The following ZNF479 variants were observed in gnomAD, a reference collection of about 807,000 sequenced individuals.
ZNF479 encodes KRAB zinc finger protein KR19.
In ZNF479, 15 loss-of-function variants were observed where a neutral mutation model predicts 14.7. That is an observed-to-expected ratio of 1.02 (90% CI 0.68 to 1.57). ZNF479 has a LOEUF of 1.57. Among genes scored for constraint, ZNF479 ranks in the 40% most tolerant of loss-of-function variants. ZNF479 has a pLI of 0.00. For missense variants in ZNF479, 506 were observed against 615.1 expected (o/e 0.82, Z 1.88); for synonymous variants, 145 against 211.5 (o/e 0.69, Z 2.73).
Position 57,120,900 on chromosome 7 carries a change from G to T in ZNF479, c.515C>A (p.Ser172Tyr), listed in dbSNP as rs781963281. 2 of 1,613,700 alleles carry T rather than the reference G, an allele frequency of 1.2e-6. No homozygotes were observed. The highest frequency in any genetic ancestry group is 3.3e-5 in the Admixed American group (2 of 59,886). Residue 172 changes from serine (S) to tyrosine (Y), a missense_variant, in exon 4 of 4, where the codon TCC (serine) becomes TAC (tyrosine). Transcript: ENST00000319636. Reference protein sequence around the residue: ...YVKVFGKFSNSNRDKTRYTGN... With the variant: ...YVKVFGKFSNYNRDKTRYTGN... The stretch of plus-strand genomic sequence containing the variant: ...AGTATATCTTGTTTTATCTCTATTG[G>T]AATTTGAAAATTTACCAAAGACTTT...
chr7:57,121,643 G>A (rs1554400650), intron 3 of ZNF479, among the ~76,000 whole-genome samples: 1 of 152,150 alleles, frequency 6.6e-6, no homozygotes, highest in Non-Finnish European at 1.5e-5. Flanking sequence ...CACATCCTGA[G>A]AACATGTTTG....
At chr7:57,136,623 T>C (rs952145513), upstream of ZNF479, among the ~76,000 whole-genome samples, 3 of 152,204 alleles carry the variant, frequency 2.0e-5, no homozygotes, top group African/African-American at 7.2e-5. Flanking sequence ...AAGCTCAAAA[T>C]TGGCTGCTGG....
rs1554400241 is a variant in ZNF479 at position 57,120,638 on chromosome 7, A to T, written c.777T>A (p.His259Gln). Residue 259 changes from histidine to glutamine, a missense_variant, in exon 4 of 4, where the codon CAT becomes CAA. By Grantham distance (24) the His-to-Gln change is conservative (BLOSUM62 0). Around this residue, in one of 3 missense-constraint regions of ZNF479, gnomAD observed 420 missense variants for 474.2 expected, o/e 0.89. Coordinates refer to ENST00000319636, the MANE Select transcript of ZNF479 (RefSeq NM_001370129.2). ...AFSWSANLTR[H>Q]KRTHTGEKPY... is the part of the protein sequence containing the mutation. The stretch of plus-strand genomic sequence containing the variant: ...GTTTCTCTCCAGTATGAGTTCTCTT[A>T]TGTCTAGTAAGGTTTGCAGACCAGC... 1 of 1,613,840 alleles carries T rather than the reference A, an allele frequency of 6.2e-7. No individual in the cohort carries two copies. Among genetic ancestry groups the T allele is most frequent in the South Asian group, 1.1e-5 (1 of 91,074 alleles).
chr7:57,132,914 G>GGT (rs1786500105), upstream of ZNF479, among the ~76,000 whole-genome samples: 1 of 151,996 alleles, frequency 6.6e-6, no homozygotes, highest in East Asian at 1.9e-4. Context: ...GAGGCCGGCA[G>GGT]GTCACTAGTT....
chr7:57,120,308 C>T lies in ZNF479; in HGVS notation c.1107G>A (p.Met369Ile), dbSNP rs1480084055. ...GQAFSLSSNL[M>I]RHRRIHTGEK... The stretch of plus-strand genomic sequence containing the variant: ...CTCCAGTATGAATTCTCCTATGTCT[C>T]ATAAGGTTCGAGGATAAGCTAAAGG... The change falls in exon 4 of 4, where the codon ATG becomes ATA. Residue 369 changes from methionine (M) to isoleucine (I), a missense_variant. Physicochemically the swap from Met to Ile is conservative, Grantham distance 10 (BLOSUM62 1). This residue lies in a region of ZNF479 where 420 missense variants were observed against 474.2 expected (regional missense o/e 0.89). Coordinates refer to ENST00000319636, the MANE Select transcript of ZNF479 (RefSeq NM_001370129.2). 4 of 1,607,008 alleles carry T rather than the reference C, an allele frequency of 2.5e-6. No homozygotes were observed. Among genetic ancestry groups the T allele is most frequent in the Admixed American group, 1.7e-5 (1 of 59,476 alleles).
In ZNF479 at chr7:57,119,888, A is replaced by T. The variant is rs78428923; in HGVS notation, c.1527T>A (p.Ala509=). The T allele has an allele frequency of 3.1e-6, 5 of 1,613,870 alleles. No individual in the cohort carries two copies. Among genetic ancestry groups the T allele is most frequent in the South Asian group, 1.1e-5 (1 of 91,078 alleles). ...EQAFKWHSSL[A]KHKIIHTGEK... is the part of the protein sequence containing the mutation. ...CTCCAGTGTGAATTATCTTATGTTT[A>T]GCAAGACTTGAATGCCACTTAAAAG... The change falls in exon 4 of 4, where the codon GCT becomes GCA. Residue 509 remains alanine (A), a synonymous_variant. Transcript: ENST00000319636.
upstream of ZNF479, among the ~76,000 whole-genome samples, chr7:57,133,118 A>G (rs1786508554): frequency 6.6e-6 from 1 of 152,132 alleles, no homozygotes; most frequent in Non-Finnish European, 1.5e-5. Flanking sequence ...TGGGTGACAC[A>G]GAGAGACTTC....
rs1785831018 is a variant in ZNF479, at chr7:57,119,966, A to T, written c.1449T>A (p.His483Gln). ...GTTTCTCTCCAGTATGAATTCTCTTATGTTGCATAAGGGTTGAGGAGCAAT... is the reference window on the plus strand; with the variant it reads ...GTTTCTCTCCAGTATGAATTCTCTTTTGTTGCATAAGGGTTGAGGAGCAAT... ...AFNCSSTLMQ[H>Q]KRIHTGEKPY... The change falls in exon 4 of 4, where the codon CAT (histidine) becomes CAA (glutamine). Residue 483 changes from histidine to glutamine, a missense_variant. His to Gln is a conservative substitution (Grantham distance 24). Coordinates refer to ENST00000319636, the MANE Select transcript of ZNF479 (RefSeq NM_001370129.2). 1 of 1,613,116 alleles carries T rather than the reference A, an allele frequency of 6.2e-7. No homozygotes were observed. Among genetic ancestry groups the T allele is most frequent in the South Asian group, 1.1e-5 (1 of 91,018 alleles).
At chr7:57,133,059 AG>A (rs1257720553), upstream of ZNF479, among the ~76,000 whole-genome samples, 4 of 152,042 alleles carry the variant, frequency 2.6e-5, no homozygotes, top group African/African-American at 9.7e-5. Context: ...GCTTGAACCC[AG>A]GGGGTGGAGG....
Position 57,138,532 on chromosome 7 carries a change from G to C in ZNF479, c.-15+1076C>G, listed in dbSNP as rs1786745915. Among the ~76,000 whole-genome samples the C allele has an allele frequency of 2.0e-5, 3 of 152,134 alleles. No homozygotes were observed. In the South Asian group the frequency reaches 6.2e-4, roughly 32 times the overall value. On this transcript the variant is annotated intron_variant, in intron 1 of 4. Coordinates refer to the ZNF479 transcript ENST00000331162. ...TGTGGATCTGTCCAAAGGTCAGATG[G>C]TGAGTCATAGCTGGACTCAGCCTAC...
At chr7:57,123,859 T>A in intron 3 of ZNF479, among the ~76,000 whole-genome samples, 1 of 151,210 alleles carries the variant, frequency 6.6e-6, no homozygotes. Flanking sequence ...AAGAGCAAAA[T>A]CATACAGTAT....
intron 3 of ZNF479, among the ~76,000 whole-genome samples, chr7:57,123,834 CA>C (rs989541422): frequency 2.7e-4 from 39 of 144,298 alleles, no homozygotes; most frequent in South Asian, 8.9e-4. Flanking sequence ...AAATCTGAGT[CA>C]AAAAAAAAAT....
upstream of ZNF479, among the ~76,000 whole-genome samples, chr7:57,137,434 C>T (rs1309352801): frequency 1.3e-5 from 2 of 152,074 alleles, no homozygotes; most frequent in African/African-American, 2.4e-5. Context: ...CAAAGTGCTA[C>T]GATTACAGGC....
In ZNF479 at chr7:57,129,387, G is replaced by T. The variant is rs185504878; in HGVS notation, c.40-2669C>A. Among the ~76,000 whole-genome samples the T allele has an allele frequency of 1.6e-4, 24 of 152,300 alleles. 1 individual carries two copies. The East Asian group carries it at 4.6e-3, about 29-fold the overall frequency. On this transcript the variant is annotated intron_variant, in intron 1 of 3. Coordinates refer to ENST00000319636, the MANE Select transcript of ZNF479 (RefSeq NM_001370129.2). ...TACAAGTCCCCTGTAAATGCTGATT[G>T]TGCTTTCGCAGACACATTATTAGCA...
At chr7:57,129,218 G>A (rs1786312871) in intron 1 of ZNF479, among the ~76,000 whole-genome samples, 1 of 152,178 alleles carries the variant, frequency 6.6e-6, no homozygotes, top group East Asian at 1.9e-4. Flanking sequence ...GGCAGGCAGT[G>A]CAGCCTTCCT....
At position 57,139,303 on chromosome 7, in the gene ZNF479, T is replaced by TG. The variant is rs139093998; in HGVS notation, c.-15+304dup. On this transcript the variant is annotated intron_variant, in intron 1 of 4. Coordinates refer to the ZNF479 transcript ENST00000331162. ...ATGTGAACGCAGTCCACAGGTAGCA[T>TG]GGTGATTCCCACACCAAGATTCAGC... Among the ~76,000 whole-genome samples the TG allele has an allele frequency of 6.9e-3, 1,050 of 152,292 alleles. 11 individuals are homozygous for TG. Among genetic ancestry groups the TG allele is most frequent in the African/African-American group, 0.024 (982 of 41,560 alleles).
chr7:57,137,123 T>A (rs2115911732), upstream of ZNF479, among the ~76,000 whole-genome samples: 1 of 152,306 alleles, frequency 6.6e-6, no homozygotes, highest in African/African-American at 2.4e-5. Flanking sequence ...GAGAATTAAA[T>A]AATTTTTTTT....
At chr7:57,139,049 C>T (rs566396787) in intron 1 of ZNF479, among the ~76,000 whole-genome samples, 3 of 152,174 alleles carry the variant, frequency 2.0e-5, no homozygotes, top group African/African-American at 7.2e-5. Context: ...AATGCCTGGG[C>T]AAGCACAAAT....
intron 3 of ZNF479, among the ~76,000 whole-genome samples, chr7:57,121,646 C>T (rs1785953581): frequency 6.6e-6 from 1 of 152,122 alleles, no homozygotes; most frequent in Non-Finnish European, 1.5e-5. Flanking sequence ...ATCCTGAGAA[C>T]ATGTTTGTGA....
Sources: allele counts gnomAD v4.1 joint callset (sites outside exome capture counted in the v4.1 genomes callset), GRCh38; gene constraint gnomAD v4.1.1; regional missense constraint gnomAD v4.1.1; transcripts MANE v1.5; gene names NCBI Gene and HGNC (gene_info 2026-07-23, HGNC 2026-07-21).